NBAS: variants seen among roughly 807,000 people sequenced by gnomAD.
NBAS encodes the protein NBAS subunit of NRZ tethering complex.
NBAS carries 219 observed loss-of-function variants against 302.5 expected under a neutral mutation model. The ratio of observed to expected loss-of-function variants is 0.72; its 90% CI spans 0.65 to 0.81. The LOEUF (loss-of-function observed/expected upper bound fraction) is 0.81, where lower values mean the gene tolerates loss of function less well. Ranked by LOEUF, NBAS falls within the 30% of genes least tolerant of loss-of-function variation. NBAS has a pLI of 0.00. For synonymous variants in NBAS, 1,118 were observed against 1,021.6 expected (o/e 1.09, Z -1.80); for missense variants, 2,932 against 2,841.6 (o/e 1.03, Z -0.72).
chr2:15,550,954 A>C (rs1664354331), intron 6 of NBAS, among the ~76,000 whole-genome samples: 1 of 152,118 alleles, frequency 6.6e-6, no homozygotes, highest in Non-Finnish European at 1.5e-5. Context: ...GACACCCCCG[A>C]TTAAGAAATC....
At chr2:15,152,564 A>G in the NBAS span, among the ~76,000 whole-genome samples, 1 of 152,222 alleles carries the variant, frequency 6.6e-6, no homozygotes, top group Admixed American at 6.5e-5. Flanking sequence ...CCATGTCCAT[A>G]TGAGGTAAAT....
chr2:15,065,040 A>T, the NBAS span, among the ~76,000 whole-genome samples: 1 of 152,166 alleles, frequency 6.6e-6, no homozygotes, highest in Non-Finnish European at 1.5e-5. Flanking sequence ...ACAAAATTCA[A>T]CACTCTTCAT....
intron 19 of NBAS, among the ~76,000 whole-genome samples, chr2:15,462,456 T>A (rs568163079): frequency 6.8e-6 from 1 of 147,148 alleles, no homozygotes; most frequent in African/African-American, 2.5e-5. Context: ...TACTACAACG[T>A]ATGACTTAGG....
At chr2:15,298,458 A>T (rs1348606535) in intron 40 of NBAS, among the ~76,000 whole-genome samples, 2 of 152,230 alleles carry the variant, frequency 1.3e-5, no homozygotes, top group Admixed American at 1.3e-4. Flanking sequence ...TGAGCTGTAA[A>T]TTTTCCATTT....
the NBAS span, among the ~76,000 whole-genome samples, chr2:15,154,406 A>G: frequency 2.0e-4 from 30 of 152,310 alleles, no homozygotes; most frequent in South Asian, 8.3e-4. Flanking sequence ...TAGACTGCAT[A>G]GACATCGGTG....
intron 21 of NBAS, among the ~76,000 whole-genome samples, chr2:15,447,247 A>C (rs1179031609): frequency 2.6e-5 from 4 of 152,234 alleles, no homozygotes; most frequent in African/African-American, 7.2e-5. Flanking sequence ...GATAATACAG[A>C]AAGATCCCAT....
At chr2:14,823,860 A>G in the NBAS span, among the ~76,000 whole-genome samples, 1 of 152,234 alleles carries the variant, frequency 6.6e-6, no homozygotes, top group Non-Finnish European at 1.5e-5. Flanking sequence ...AAAAATGTAA[A>G]CATTTTCCAG....
At chr2:14,811,807 G>A in the NBAS span, among the ~76,000 whole-genome samples, 1 of 152,260 alleles carries the variant, frequency 6.6e-6, no homozygotes, top group African/African-American at 2.4e-5. Context: ...GAAGGAGGTA[G>A]GTAAGAAAGA....
chr2:15,146,048 G>A, the NBAS span, among the ~76,000 whole-genome samples: 4 of 152,120 alleles, frequency 2.6e-5, no homozygotes, highest in Admixed American at 6.5e-5. Flanking sequence ...GAGTAAAACA[G>A]AGAAACATCT....
intron 11 of NBAS, 130 bp from the exon 12 acceptor site, chr2:15,489,152 T>G: frequency 2.9e-6 from 3 of 1,044,636 alleles, no homozygotes; most frequent in South Asian, 2.7e-5. Flanking sequence ...GCCAGCTTCC[T>G]ATCATTATAA....
intron 40 of NBAS, among the ~76,000 whole-genome samples, chr2:15,307,210 C>G (rs1671071070): frequency 6.6e-6 from 1 of 152,180 alleles, no homozygotes; most frequent in Non-Finnish European, 1.5e-5. Flanking sequence ...CGGAACCCAA[C>G]AATGTATCTT....
intron 34 of NBAS, 105 bp downstream of exon 34, chr2:15,353,448 T>C: frequency 7.2e-7 from 1 of 1,380,162 alleles, no homozygotes; most frequent in Non-Finnish European, 1.0e-6. Flanking sequence ...CTTCCATAAA[T>C]TAAAATTCTC....
rs143783818 is a variant in NBAS at position 15,170,550 on chromosome 2, T to C, written c.6841-3227A>G. On this transcript the variant is annotated intron_variant, in intron 51 of 51. Transcript: ENST00000281513. ...GAGCAGGGAAAGGTTGGGAGGAATT[T>C]TGGGTTTGGCTTCAGATAAAATCAA... Among the ~76,000 whole-genome samples the C allele has an allele frequency of 2.1e-3, 320 of 152,254 alleles. 2 individuals are homozygous for C. Among genetic ancestry groups the C allele is most frequent in the African/African-American group, 7.6e-3 (315 of 41,538 alleles).
chr2:15,097,386 G>A, the NBAS span, among the ~76,000 whole-genome samples: 1 of 152,144 alleles, frequency 6.6e-6, no homozygotes, highest in African/African-American at 2.4e-5. Context: ...ATAAAGTCAT[G>A]AGGAGTGAAG....
intron 21 of NBAS, among the ~76,000 whole-genome samples, chr2:15,442,329 G>C (rs1176025101): frequency 6.7e-6 from 1 of 149,878 alleles, no homozygotes; most frequent in African/African-American, 2.5e-5. Flanking sequence ...AATCAAACTA[G>C]AACTCAGGAT....
At chr2:14,857,823 G>C in the NBAS span, among the ~76,000 whole-genome samples, 1 of 151,942 alleles carries the variant, frequency 6.6e-6, no homozygotes, top group Non-Finnish European at 1.5e-5. Context: ...CGGACAAATT[G>C]GATCACATCA....
chr2:15,069,181 G>A, the NBAS span, among the ~76,000 whole-genome samples: 107 of 152,334 alleles, frequency 7.0e-4, no homozygotes, highest in African/African-American at 2.4e-3. Flanking sequence ...GACTTTTGGA[G>A]GGGACAGATA....
At chr2:14,947,175 A>T in the NBAS span, among the ~76,000 whole-genome samples, 4 of 152,090 alleles carry the variant, frequency 2.6e-5, no homozygotes, top group African/African-American at 9.7e-5. Context: ...ATCGGAGCAG[A>T]AATTAATGAA....
chr2:14,847,929 T>A, the NBAS span, among the ~76,000 whole-genome samples: 3 of 152,168 alleles, frequency 2.0e-5, no homozygotes, highest in East Asian at 1.9e-4. Flanking sequence ...ATATCAAGCA[T>A]CTTCTCTGAC....
Sources: gnomAD v4.1 joint callset for allele counts (sites outside exome capture counted in the v4.1 genomes callset) on GRCh38, gnomAD v4.1.1 for gene constraint, MANE v1.5 for transcripts, NCBI Gene and HGNC (gene_info 2026-07-23, HGNC 2026-07-21) for gene names.